Variants in GNAI2 observed in about 807,000 individuals in gnomAD.
The protein encoded by GNAI2 is guanine nucleotide-binding protein G(i) subunit alpha-2.
Under a neutral mutation model 36.8 loss-of-function variants are expected in GNAI2, and 4 were observed. That is an observed-to-expected ratio of 0.11 (90% CI 0.05 to 0.25). The LOEUF (loss-of-function observed/expected upper bound fraction) is 0.25, where lower values mean the gene tolerates loss of function less well. Among genes scored for constraint, GNAI2 ranks in the 10% least tolerant of loss-of-function variants. GNAI2 has a pLI of 1.00. For synonymous variants in GNAI2, 194 were observed against 194.1 expected (o/e 1.00, Z 0.01); for missense variants, 230 against 481.3 (o/e 0.48, Z 4.89).
chr3:50,235,276 A>G (rs1399416829), upstream of GNAI2: 1 of 152,086 alleles, frequency 6.6e-6, no homozygotes, highest in Non-Finnish European at 1.5e-5. Flanking sequence ...CCACCCAGCT[A>G]AAGGAGACAG....
intron 1 of GNAI2, among the ~76,000 whole-genome samples, chr3:50,250,946 A>G (rs1299321610): frequency 6.6e-6 from 1 of 151,894 alleles, no homozygotes; most frequent in Non-Finnish European, 1.5e-5. Context: ...AGCCGCTGGG[A>G]TTACAGGCAC....
Position 50,236,237 on chromosome 3 carries a change from G to A in GNAI2, c.-99G>A, listed in dbSNP as rs1394695857. 2 of 1,193,848 alleles carry A rather than the reference G, an allele frequency of 1.7e-6. No homozygotes were observed. Among genetic ancestry groups the A allele is most frequent in the African/African-American group, 1.6e-5 (1 of 62,460 alleles). 74.0% of individuals were successfully genotyped at this position (1,193,848 alleles called of 1,614,324 possible). On this transcript the variant is annotated 5_prime_UTR_variant, in exon 1 of 9. Coordinates refer to ENST00000313601, the MANE Select transcript of GNAI2 (RefSeq NM_002070.4). The surrounding 1 kb of genome is among the most constrained non-coding windows in gnomAD (Gnocchi z 4.0). ...GGAACTGCCGACCCGAGTGCTTCCC[G>A]CAGAGGGCTGGTGGTGGGAGCGGAG... is the stretch of plus-strand genomic sequence containing the variant.
upstream of GNAI2, chr3:50,235,241 A>T (rs1284024759): frequency 6.6e-6 from 1 of 151,806 alleles, no homozygotes; most frequent in Non-Finnish European, 1.5e-5. Flanking sequence ...CTCCCGGTAG[A>T]TTGGGGAAGG....
Position 50,256,403 on chromosome 3 carries a change from C to T in GNAI2, c.593+83C>T, listed in dbSNP as rs1288007800. On this transcript the variant is annotated intron_variant, in intron 5 of 8. Coordinates refer to ENST00000313601, the MANE Select transcript of GNAI2 (RefSeq NM_002070.4). ...GAGGCAGGGGCTGGTCCAGGATCCC[C>T]CAGCCCCACTGAGGTTTTACAAGGC... The T allele has an allele frequency of 7.6e-6, 10 of 1,311,910 alleles. No homozygotes were observed. In the East Asian group the frequency reaches 2.3e-4, roughly 30 times the overall value. 81.3% of individuals were successfully genotyped at this position (1,311,910 alleles called of 1,614,324 possible). A position where few individuals can be genotyped will look rare whatever the true frequency, so the allele number is the denominator to read the frequency against.
intron 1 of GNAI2, among the ~76,000 whole-genome samples, chr3:50,237,909 T>C (rs1700216105): frequency 6.6e-6 from 1 of 152,226 alleles, no homozygotes; most frequent in Non-Finnish European, 1.5e-5. Context: ...GCTGGACCTG[T>C]GGCCGAGGAA....
At chr3:50,251,733 C>T (rs1553702492) in intron 1 of GNAI2, 1 of 1,322,198 alleles carries the variant, frequency 7.6e-7, no homozygotes, top group Admixed American at 2.2e-5. Context: ...TGGCATGCAC[C>T]AGCTGCACAG....
intron 7 of GNAI2, 80 bp from the exon 8 acceptor site, chr3:50,257,420 C>T (rs1255881289): frequency 3.0e-5 from 29 of 956,346 alleles, no homozygotes; most frequent in Middle Eastern, 3.4e-4. Context: ...GCCGTCCACA[C>T]GCACAGACCC....
At chr3:50,232,045 A>G (rs1339991392), upstream of GNAI2, among the ~76,000 whole-genome samples, 1 of 151,882 alleles carries the variant, frequency 6.6e-6, no homozygotes, top group Non-Finnish European at 1.5e-5. Flanking sequence ...AAAAAAAAAA[A>G]AAGGGCCGTG....
At position 50,242,026 on chromosome 3, in the gene GNAI2, G is replaced by A. The variant is rs1425523602; in HGVS notation, c.118+5573G>A. Among the ~76,000 whole-genome samples, 1 of 152,106 alleles carries A rather than the reference G, an allele frequency of 6.6e-6. No individual in the cohort carries two copies. The highest frequency in any genetic ancestry group is 6.5e-5 in the Admixed American group (1 of 15,288). Reference sequence around the variant, plus strand: ...CAGTAGGTGCACTTGGGGCTACTTGGGCCACAGGCAGACACACAGGTCCTG... The same window carrying A: ...CAGTAGGTGCACTTGGGGCTACTTGAGCCACAGGCAGACACACAGGTCCTG... On this transcript the variant is annotated intron_variant, in intron 1 of 8. Transcript: ENST00000313601. This position sits in a 1 kb window ranked among gnomAD's most constrained non-coding sequence, Gnocchi z 4.8.
At position 50,256,996 on chromosome 3, in the gene GNAI2, A is replaced by C. The variant is rs1700717748; in HGVS notation, c.783A>C (p.Thr261=). 5.0e-6 allele frequency: 8 copies of C among 1,614,064 alleles called. No homozygotes were observed. The highest frequency in any genetic ancestry group is 6.8e-6 in the Non-Finnish European group (8 of 1,179,892). The change falls in exon 7 of 9, where the codon ACA becomes ACC. Residue 261 remains threonine (T), a synonymous_variant. Transcript: ENST00000313601. ...GCATCTGCAACAACAAGTGGTTCAC[A>C]GACACGTCCATCATCCTCTTCCTCA... ...FDSICNNKWF[T]DTSIILFLNK...
At position 50,252,926 on chromosome 3, in the gene GNAI2, G is replaced by T. The variant is rs1279686322; in HGVS notation, c.304-98G>T. 2 of 963,830 alleles carry T rather than the reference G, an allele frequency of 2.1e-6. No homozygotes were observed. Among genetic ancestry groups the T allele is most frequent in the African/African-American group, 3.2e-5 (2 of 61,578 alleles). The allele number at this position is 963,830 out of a possible 1,614,324, so 59.7% of individuals were successfully genotyped here. ...GCAAGTCTCATCCTAGGGAATCCAA[G>T]AATACCCTAGCCTGGGCCCCATTCC... On this transcript the variant is annotated intron_variant, in intron 3 of 8. Coordinates refer to ENST00000313601, the MANE Select transcript of GNAI2 (RefSeq NM_002070.4). This position sits in a 1 kb window ranked among gnomAD's most constrained non-coding sequence, Gnocchi z 4.1.
In GNAI2 at chr3:50,256,241, C is replaced by A; in HGVS notation, c.514C>A (p.Gln172Lys). Reference sequence around the variant, plus strand: ...TGCACAGAGTGACTACATCCCCACACAGCAAGATGTGCTACGGACCCGCGT... The same window carrying A: ...TGCACAGAGTGACTACATCCCCACAAAGCAAGATGTGCTACGGACCCGCGT... The part of the protein sequence containing the change: ...RIAQSDYIPT[Q>K]QDVLRTRVKT... The change falls in exon 5 of 9, where the codon CAG (glutamine) becomes AAG (lysine). Residue 172 changes from glutamine (Q) to lysine (K), a missense_variant. Physicochemically the swap from Gln to Lys is moderately conservative, Grantham distance 53. Transcript: ENST00000313601. The A allele has an allele frequency of 1.2e-6, 2 of 1,608,404 alleles. No homozygotes were observed. Among genetic ancestry groups the A allele is most frequent in the Non-Finnish European group, 1.7e-6 (2 of 1,175,668 alleles).
At chr3:50,227,383 C>G (rs1699994591), upstream of GNAI2, 1 of 397,166 alleles carries the variant, frequency 2.5e-6, no homozygotes, top group Non-Finnish European at 4.5e-6. The surrounding 1 kb of genome is among the most constrained non-coding windows in gnomAD (Gnocchi z 5.9). Flanking sequence ...GGAGGCAGAG[C>G]GAGACAGGAG....
upstream of GNAI2, chr3:50,227,460 T>G: frequency 6.7e-6 from 2 of 300,458 alleles, no homozygotes; most frequent in East Asian, 5.0e-5. The surrounding 1 kb of genome is among the most constrained non-coding windows in gnomAD (Gnocchi z 5.9). Context: ...GGGGAGGTGC[T>G]AGGTCGGCCT....
upstream of GNAI2, among the ~76,000 whole-genome samples, chr3:50,228,493 T>C (rs1266294849): frequency 6.9e-6 from 1 of 145,690 alleles, no homozygotes; most frequent in Non-Finnish European, 1.5e-5. Context: ...CAGGCTGCAG[T>C]GAGCCAAGAT....
In GNAI2 at chr3:50,256,717, C is replaced by A. The variant is rs782636951; in HGVS notation, c.594-6C>A. 2 of 1,614,058 alleles carry A rather than the reference C, an allele frequency of 1.2e-6. No individual in the cohort carries two copies. Among genetic ancestry groups the A allele is most frequent in the East Asian group, 4.5e-5 (2 of 44,880 alleles). ...TTCCTGGAACTAAGGTGATCTATAT[C>A]TGCAGGATGTTTGATGTGGGTGGTC... On this transcript the variant is annotated splice_region_variant and splice_polypyrimidine_tract_variant and intron_variant, in intron 5 of 8. Transcript: ENST00000313601.
rs1275998297 is a variant in GNAI2 at position 50,238,081 on chromosome 3, G to A, written c.118+1628G>A. 6.6e-6 allele frequency: 1 copy of A among 152,268 alleles called. No homozygotes were observed. The highest frequency in any genetic ancestry group is 2.4e-5 in the African/African-American group (1 of 41,468). The allele number at this position is 152,268 out of a possible 1,614,324, so 9.4% of individuals were successfully genotyped here. A position where few individuals can be genotyped will look rare whatever the true frequency, so the allele number is the denominator to read the frequency against. ...GCGGCCCAGCCTCCTGGGCTGCTTT[G>A]CGTTGGGCGCTTGCCTCTTCCTGTC... On this transcript the variant is annotated intron_variant, in intron 1 of 8. Coordinates refer to ENST00000313601, the MANE Select transcript of GNAI2 (RefSeq NM_002070.4). This position sits in a 1 kb window ranked among gnomAD's most constrained non-coding sequence, Gnocchi z 5.0.
intron 7 of GNAI2, 143 bp from the exon 8 acceptor site, chr3:50,257,357 G>A (rs1575457680): frequency 1.5e-6 from 1 of 645,286 alleles, no homozygotes; most frequent in Non-Finnish European, 2.7e-6. Context: ...GCATGTATGG[G>A]CAGCCACAAA....
At chr3:50,251,719 A>G (rs375115209) in intron 1 of GNAI2, 463 of 1,335,988 alleles carry the variant, frequency 3.5e-4, no homozygotes, top group Non-Finnish European at 4.4e-4. Context: ...CCAGGGCACC[A>G]TATTGGCATG....
Sources: allele counts gnomAD v4.1 joint callset (sites outside exome capture counted in the v4.1 genomes callset), GRCh38; gene constraint gnomAD v4.1.1; non-coding constraint Gnocchi (gnomAD v3.1); transcripts MANE v1.5; gene names NCBI Gene and HGNC (gene_info 2026-07-23, HGNC 2026-07-21).